TAB1: variants seen among roughly 807,000 people sequenced by gnomAD.
The protein encoded by TAB1 is TGF-beta-activated kinase 1 and MAP3K7-binding protein 1.
TAB1 carries 30 observed loss-of-function variants against 54.5 expected under a neutral mutation model. The observed-to-expected ratio is 0.55, with a 90% CI of 0.41 to 0.75. The LOEUF is 0.75. Ranked by LOEUF, TAB1 falls within the 30% of genes least tolerant of loss-of-function variation. The probability of loss-of-function intolerance (pLI) is 0.00; values close to 1 mark genes in which losing one functional copy is unlikely to be tolerated. For synonymous variants in TAB1, 289 were observed against 286.9 expected (o/e 1.01, Z -0.07); for missense variants, 609 against 683.2 (o/e 0.89, Z 1.21).
chr22:39,399,903 A>G, intron 1 of TAB1, 68 bp downstream of exon 1: 1 of 1,520,294 alleles, frequency 6.6e-7, no homozygotes, highest in Non-Finnish European at 8.9e-7. Context: ...CGGGTGCAGG[A>G]ACGGCTCCTT....
chr22:39,431,344 G>T lies in TAB1; in HGVS notation c.*1122G>T. ...GATTGCCACTCCTGTTTCAGAGGAA[G>T]CAGGCCGAGAGACTTGCACCTTGGC... On this transcript the variant is annotated 3_prime_UTR_variant, in exon 11 of 11. Transcript: ENST00000216160. 1.0e-6 allele frequency: 1 copy of T among 985,582 alleles called. No homozygotes were observed. The highest frequency in any genetic ancestry group is 1.2e-6 in the Non-Finnish European group (1 of 830,056). The allele number at this position is 985,582 out of a possible 1,614,324, so 61.1% of individuals were successfully genotyped here.
chr22:39,436,574 A>C, downstream of TAB1: 1 of 1,611,854 alleles, frequency 6.2e-7, no homozygotes, highest in Non-Finnish European at 8.5e-7. Flanking sequence ...CAGGGTAGGA[A>C]GGAAGCGCCT....
intron 8 of TAB1, among the ~76,000 whole-genome samples, chr22:39,424,830 C>A (rs909416282): frequency 6.6e-6 from 1 of 152,042 alleles, no homozygotes; most frequent in African/African-American, 2.4e-5. Flanking sequence ...GGGCTTATTT[C>A]CAGGTAGAGT....
chr22:39,428,047 T>C lies in TAB1; in HGVS notation c.1171T>C (p.Ser391Pro). Reference sequence around the variant, plus strand: ...TGCAGGAGGACGAGTGTACCCTGTGTCTGTGCCATACTCCAGCGCCCAGAG... The same window carrying C: ...TGCAGGAGGACGAGTGTACCCTGTGCCTGTGCCATACTCCAGCGCCCAGAG... ...PAAGGRVYPV[S>P]VPYSSAQSTS... Residue 391 changes from serine (S) to proline (P), a missense_variant, in exon 10 of 11, where the codon TCT becomes CCT. Transcript: ENST00000216160. 1 of 1,611,582 alleles carries C rather than the reference T, an allele frequency of 6.2e-7. No individual in the cohort carries two copies. Among genetic ancestry groups the C allele is most frequent in the East Asian group, 2.2e-5 (1 of 44,834 alleles).
intron 1 of TAB1, chr22:39,414,759 G>A (rs921337839): frequency 2.0e-6 from 1 of 505,950 alleles, no homozygotes; most frequent in African/African-American, 2.0e-5. Context: ...GGTCATTGCT[G>A]CGCCTTACAT....
chr22:39,420,278 A>G lies in TAB1; in HGVS notation c.776+648A>G, dbSNP rs35098150. 4.8e-3 allele frequency among the ~76,000 whole-genome samples: 734 copies of G among 152,280 alleles called. 7 individuals are homozygous for G. Among genetic ancestry groups the G allele is most frequent in the African/African-American group, 0.015 (639 of 41,556 alleles). On this transcript the variant is annotated intron_variant, in intron 7 of 10. Coordinates refer to ENST00000216160, the MANE Select transcript of TAB1 (RefSeq NM_006116.3). ...CTGCCATCACCCCAGAGGCATTTTC[A>G]TAAGAGGAAACTGAGGCATGGAGAC...
At chr22:39,408,641 T>G (rs1926480139) in intron 1 of TAB1, among the ~76,000 whole-genome samples, 1 of 152,220 alleles carries the variant, frequency 6.6e-6, no homozygotes, top group Admixed American at 6.5e-5. Context: ...TAGCTGAGAC[T>G]ACAGGCGCTT....
intron 8 of TAB1, 26 bp from the exon 9 acceptor site, chr22:39,426,677 C>T: frequency 6.3e-7 from 1 of 1,576,810 alleles, no homozygotes; most frequent in South Asian, 1.1e-5. Flanking sequence ...CGTTCCTTAC[C>T]AGGTTCTTCC....
chr22:39,436,157 G>A (rs982210449), downstream of TAB1, among the ~76,000 whole-genome samples: 7 of 152,202 alleles, frequency 4.6e-5, no homozygotes, highest in African/African-American at 1.7e-4. Context: ...GCCAGGCGTT[G>A]TGGTGCATGC....
chr22:39,433,494 T>G, downstream of TAB1: 1 of 983,622 alleles, frequency 1.0e-6, no homozygotes, highest in Non-Finnish European at 1.2e-6. Flanking sequence ...AAAACCCAGC[T>G]AGGTTGCTGG....
At chr22:39,418,339 G>A (rs1926927301) in intron 5 of TAB1, among the ~76,000 whole-genome samples, 1 of 152,072 alleles carries the variant, frequency 6.6e-6, no homozygotes, top group African/African-American at 2.4e-5. Flanking sequence ...TAGAACAATA[G>A]AGTGACTGAT....
At chr22:39,417,646 G>C in intron 4 of TAB1, 65 bp from the exon 5 acceptor site, 1 of 1,459,098 alleles carries the variant, frequency 6.9e-7, no homozygotes, top group Non-Finnish European at 9.1e-7. Flanking sequence ...AGTAAAGGGA[G>C]TGGAGAGGGC....
At chr22:39,420,775 C>CTCTG (rs1555950643) in intron 7 of TAB1, among the ~76,000 whole-genome samples, 17 of 71,834 alleles carry the variant, frequency 2.4e-4, no homozygotes, top group African/African-American at 8.0e-4. Flanking sequence ...CACGGTGTCT[C>CTCTG]TGTGTGTGTG....
intron 6 of TAB1, 74 bp from the exon 7 acceptor site, chr22:39,419,445 T>C: frequency 7.9e-7 from 1 of 1,260,824 alleles, no homozygotes; most frequent in Non-Finnish European, 1.1e-6. Flanking sequence ...TTCCCATGAC[T>C]GTGTCTCTGT....
chr22:39,432,819 T>G, downstream of TAB1: 1 of 985,340 alleles, frequency 1.0e-6, no homozygotes, highest in Non-Finnish European at 1.2e-6. Flanking sequence ...GTCCCCAGCC[T>G]TGGTGTTACT....
chr22:39,413,205 C>T (rs745936316), intron 1 of TAB1, among the ~76,000 whole-genome samples: 11 of 151,794 alleles, frequency 7.2e-5, no homozygotes, highest in Non-Finnish European at 1.3e-4. Context: ...TGAGCCACCG[C>T]GCCCGGCCCA....
chr22:39,409,028 A>G (rs936964262), intron 1 of TAB1, among the ~76,000 whole-genome samples: 1 of 152,210 alleles, frequency 6.6e-6, no homozygotes, highest in Admixed American at 6.5e-5. Context: ...AATATTATTC[A>G]TCTCATATGA....
At chr22:39,423,652 A>G (rs1470876126) in intron 8 of TAB1, among the ~76,000 whole-genome samples, 1 of 152,128 alleles carries the variant, frequency 6.6e-6, no homozygotes, top group Admixed American at 6.5e-5. Flanking sequence ...TAAAATTTGA[A>G]AATTAATTTT....
At chr22:39,435,298 G>A (rs1248569490), downstream of TAB1, among the ~76,000 whole-genome samples, 3 of 152,132 alleles carry the variant, frequency 2.0e-5, no homozygotes, top group African/African-American at 7.2e-5. Context: ...GCTTCAGGAA[G>A]AGCTGTGTCA....
Sources: gnomAD v4.1 joint callset for allele counts (sites outside exome capture counted in the v4.1 genomes callset) on GRCh38, gnomAD v4.1.1 for gene constraint, MANE v1.5 for transcripts, NCBI Gene and HGNC (gene_info 2026-07-23, HGNC 2026-07-21) for gene names.